KCNT2: variants seen among roughly 807,000 people sequenced by gnomAD.
KCNT2 encodes potassium channel subfamily T member 2.
KCNT2 carries 67 observed loss-of-function variants against 153.8 expected under a neutral mutation model. The observed-to-expected ratio is 0.44, with a 90% CI of 0.36 to 0.53. KCNT2 has a LOEUF of 0.53. Ranked by LOEUF, KCNT2 falls within the 20% of genes least tolerant of loss-of-function variation. The pLI, the probability that KCNT2 is intolerant of heterozygous loss-of-function variation, is 0.00. For synonymous variants in KCNT2, 500 were observed against 458.8 expected (o/e 1.09, Z -1.15); for missense variants, 975 against 1,354.8 (o/e 0.72, Z 4.40).
In KCNT2 at chr1:196,495,809, T is replaced by G. The variant is rs527982006; in HGVS notation, c.96-3468A>C. On this transcript the variant is annotated intron_variant, in intron 1 of 27. Transcript: ENST00000294725. The stretch of plus-strand genomic sequence containing the variant: ...TACCATAATAGCAATTTTATTTGAT[T>G]TAAAAAGATACTGGAATTCCAATCA... Among the ~76,000 whole-genome samples, 4 of 152,330 alleles carry G rather than the reference T, an allele frequency of 2.6e-5. No homozygotes were observed. In the East Asian group the frequency reaches 5.8e-4, roughly 22 times the overall value.
At chr1:196,311,610 A>G (rs1662189111) in intron 21 of KCNT2, among the ~76,000 whole-genome samples, 1 of 151,804 alleles carries the variant, frequency 6.6e-6, no homozygotes, top group Non-Finnish European at 1.5e-5. Flanking sequence ...CTTTTACCAT[A>G]CAAATTCTGT....
At chr1:196,599,789 TTG>T (rs1028737975) in intron 1 of KCNT2, among the ~76,000 whole-genome samples, 21 of 152,182 alleles carry the variant, frequency 1.4e-4, no homozygotes, top group Admixed American at 2.6e-4. Flanking sequence ...TAAGGCAAAA[TTG>T]TGGAGAGAAA....
intron 8 of KCNT2, among the ~76,000 whole-genome samples, chr1:196,435,064 A>G (rs1297335551): frequency 6.8e-6 from 1 of 147,676 alleles, no homozygotes; most frequent in Non-Finnish European, 1.5e-5. Flanking sequence ...AGAAATAACC[A>G]ACTGGCTATT....
intron 1 of KCNT2, among the ~76,000 whole-genome samples, chr1:196,520,777 C>G (rs1274045986): frequency 1.3e-5 from 2 of 152,120 alleles, no homozygotes; most frequent in Non-Finnish European, 2.9e-5. Flanking sequence ...ACATTTCTTA[C>G]ACCATATGCA....
chr1:196,315,530 A>G (rs1662624445), intron 21 of KCNT2, among the ~76,000 whole-genome samples: 1 of 151,706 alleles, frequency 6.6e-6, no homozygotes, highest in Non-Finnish European at 1.5e-5. Flanking sequence ...CTAGCTATTC[A>G]GTATGTAAAT....
intron 18 of KCNT2, among the ~76,000 whole-genome samples, chr1:196,328,133 G>T (rs1346631356): frequency 1.3e-5 from 2 of 152,042 alleles, no homozygotes; most frequent in Non-Finnish European, 2.9e-5. Context: ...AGTATTTAAA[G>T]CCTGAGAAAA....
chr1:196,539,498 T>C lies in KCNT2; in HGVS notation c.96-47157A>G, dbSNP rs16840085. ...ATTTTAAAAATAAGCCCAAATAATGTTTTTAACAATGATAATGTTTCCAAG... is the reference window on the plus strand; with the variant it reads ...ATTTTAAAAATAAGCCCAAATAATGCTTTTAACAATGATAATGTTTCCAAG... On this transcript the variant is annotated intron_variant, in intron 1 of 27. Coordinates refer to ENST00000294725, the MANE Select transcript of KCNT2 (RefSeq NM_198503.5). 6.0e-4 allele frequency among the ~76,000 whole-genome samples: 91 copies of C among 152,274 alleles called. 2 individuals are homozygous for C. The East Asian group carries it at 0.016, about 26-fold the overall frequency.
At chr1:196,327,681 T>G (rs1473325969) in intron 18 of KCNT2, among the ~76,000 whole-genome samples, 1 of 151,006 alleles carries the variant, frequency 6.6e-6, no homozygotes, top group Non-Finnish European at 1.5e-5. Flanking sequence ...TTTTTTTTTT[T>G]TTGAGACAGG....
intron 22 of KCNT2, among the ~76,000 whole-genome samples, chr1:196,294,385 C>T (rs1382924331): frequency 6.6e-6 from 1 of 152,128 alleles, no homozygotes; most frequent in East Asian, 1.9e-4. Flanking sequence ...AAGCGATTCT[C>T]CTGTCTCAGC....
chr1:196,241,590 G>C (rs916771532), intron 26 of KCNT2, among the ~76,000 whole-genome samples: 1 of 151,990 alleles, frequency 6.6e-6, no homozygotes, highest in African/African-American at 2.4e-5. Flanking sequence ...ATCATTTTAT[G>C]ATAGGCAAGA....
intron 1 of KCNT2, among the ~76,000 whole-genome samples, chr1:196,553,259 A>G (rs1020792065): frequency 1.3e-5 from 2 of 151,268 alleles, no homozygotes; most frequent in African/African-American, 4.8e-5. Flanking sequence ...CTATACTTAT[A>G]TGAGACAAAA....
intron 1 of KCNT2, among the ~76,000 whole-genome samples, chr1:196,522,405 G>A (rs1441428882): frequency 6.6e-6 from 1 of 152,172 alleles, no homozygotes; most frequent in East Asian, 1.9e-4. Context: ...TTACCAAAAT[G>A]ATGTTCTAAT....
intron 26 of KCNT2, among the ~76,000 whole-genome samples, chr1:196,246,604 A>C (rs1004085202): frequency 1.3e-5 from 2 of 151,970 alleles, no homozygotes; most frequent in Non-Finnish European, 1.5e-5. Flanking sequence ...AATACAAACA[A>C]AAAAAAGTTA....
chr1:196,369,579 G>A (rs1257309001), intron 14 of KCNT2, among the ~76,000 whole-genome samples: 1 of 150,098 alleles, frequency 6.7e-6, no homozygotes, highest in Non-Finnish European at 1.5e-5. Flanking sequence ...TGTGGTGTTT[G>A]GTTTTTTGTT....
intron 5 of KCNT2, among the ~76,000 whole-genome samples, chr1:196,469,468 T>C (rs1481296953): frequency 2.0e-5 from 3 of 152,190 alleles, no homozygotes; most frequent in Admixed American, 2.0e-4. Context: ...TTGTGAAACG[T>C]ACCCTTGTTA....
At chr1:196,575,380 T>C (rs916314554) in intron 1 of KCNT2, among the ~76,000 whole-genome samples, 3 of 152,138 alleles carry the variant, frequency 2.0e-5, no homozygotes, top group Non-Finnish European at 4.4e-5. Flanking sequence ...CAGTTTTATG[T>C]TGAATGAGTC....
At chr1:196,255,391 T>A (rs910409838) in intron 26 of KCNT2, among the ~76,000 whole-genome samples, 2 of 151,718 alleles carry the variant, frequency 1.3e-5, no homozygotes, top group Non-Finnish European at 1.5e-5. Flanking sequence ...TTAAAAATTA[T>A]ATTGAAGAAA....
intron 13 of KCNT2, among the ~76,000 whole-genome samples, chr1:196,381,645 G>A (rs1216106571): frequency 6.6e-6 from 1 of 152,096 alleles, no homozygotes; most frequent in Non-Finnish European, 1.5e-5. Flanking sequence ...TGATTAACCA[G>A]CACTTAAAAT....
chr1:196,410,620 C>G (rs1023918284), intron 12 of KCNT2, among the ~76,000 whole-genome samples: 4 of 150,120 alleles, frequency 2.7e-5, no homozygotes, highest in African/African-American at 9.8e-5. Flanking sequence ...CCCTGCAGCA[C>G]AAACGAAAAA....
Sources: allele counts gnomAD v4.1 joint callset (sites outside exome capture counted in the v4.1 genomes callset), GRCh38; gene constraint gnomAD v4.1.1; transcripts MANE v1.5; gene names NCBI Gene and HGNC (gene_info 2026-07-23, HGNC 2026-07-21).